The following SARAF variants were observed in gnomAD, a reference collection of about 807,000 sequenced individuals.
SARAF encodes store-operated calcium entry-associated regulatory factor.
A neutral mutation model predicts 39.7 loss-of-function variants in SARAF; 23 were observed. The observed-to-expected ratio is 0.58, with a 90% confidence interval of 0.42 to 0.82. SARAF has a LOEUF of 0.82. SARAF is among the 40% of genes least tolerant of loss of function. The pLI, the probability that SARAF is intolerant of heterozygous loss-of-function variation, is 0.00. For synonymous variants in SARAF, 175 were observed against 168.5 expected, an observed-to-expected ratio of 1.04 and a Z score of -0.30; for missense variants, 384 against 418.5, an observed-to-expected ratio of 0.92 and a Z score of 0.72.
At chr8:30,072,459 T>C (rs1284250972) in intron 2 of SARAF, among the ~76,000 whole-genome samples, 2 of 152,238 alleles carry the variant, frequency 1.3e-5, no homozygotes, top group East Asian at 3.8e-4. Flanking sequence ...TTTTCTTTTG[T>C]TGCTGTTACT....
intron 1 of SARAF, chr8:30,078,217 C>A (rs1802018820): frequency 6.8e-6 from 3 of 439,244 alleles, no homozygotes; most frequent in East Asian, 7.4e-5. Context: ...ATTACCAGTT[C>A]AGGACCAGTT....
intron 1 of SARAF, among the ~76,000 whole-genome samples, chr8:30,080,485 A>G (rs1370079190): frequency 1.3e-5 from 2 of 152,214 alleles, no homozygotes; most frequent in Non-Finnish European, 2.9e-5. Flanking sequence ...TACGCTGTTT[A>G]TCATACACGG....
chr8:30,070,458 T>C (rs1365073276), intron 2 of SARAF, among the ~76,000 whole-genome samples: 1 of 151,874 alleles, frequency 6.6e-6, no homozygotes, highest in Non-Finnish European at 1.5e-5. Flanking sequence ...AATTGCAAAA[T>C]GAAGCAAGGG....
At chr8:30,070,804 G>A (rs1039854220) in intron 2 of SARAF, among the ~76,000 whole-genome samples, 2 of 152,104 alleles carry the variant, frequency 1.3e-5, no homozygotes, top group Non-Finnish European at 2.9e-5. Context: ...CAAAGCAACA[G>A]AGATATTACA....
At chr8:30,072,662 C>T (rs1801874107) in intron 2 of SARAF, among the ~76,000 whole-genome samples, 1 of 152,198 alleles carries the variant, frequency 6.6e-6, no homozygotes, top group African/African-American at 2.4e-5. Context: ...TGTCCTGCTA[C>T]TAAATGGCCT....
chr8:30,075,195 G>A (rs1017805133), intron 1 of SARAF, among the ~76,000 whole-genome samples: 6 of 152,070 alleles, frequency 3.9e-5, no homozygotes, highest in Non-Finnish European at 8.8e-5. Flanking sequence ...AGCTACTTGG[G>A]AGGGTGAGGC....
At chr8:30,072,866 ATC>A (rs1265220455) in intron 2 of SARAF, among the ~76,000 whole-genome samples, 1 of 152,192 alleles carries the variant, frequency 6.6e-6, no homozygotes. Context: ...CCTACATGTA[ATC>A]TGAGTGCCTG....
intron 1 of SARAF, among the ~76,000 whole-genome samples, chr8:30,080,439 T>C (rs1374598618): frequency 6.6e-6 from 1 of 152,228 alleles, no homozygotes; most frequent in Non-Finnish European, 1.5e-5. Context: ...GTACGTTTTT[T>C]AAGTCTCCAC....
intron 5 of SARAF, 37 bp downstream of exon 5, chr8:30,065,951 C>T (rs1563350717): frequency 6.4e-7 from 1 of 1,555,398 alleles, no homozygotes; most frequent in Middle Eastern, 1.7e-4. Context: ...CTGTACTTTA[C>T]TCCTAGGTAA....
At chr8:30,081,562 G>A (rs1411281451) in intron 1 of SARAF, among the ~76,000 whole-genome samples, 1 of 152,184 alleles carries the variant, frequency 6.6e-6, no homozygotes, top group African/African-American at 2.4e-5. Flanking sequence ...AACGTGATGT[G>A]CTTGCAAATA....
intron 2 of SARAF, among the ~76,000 whole-genome samples, chr8:30,071,600 G>A (rs1423511862): frequency 6.6e-6 from 1 of 152,034 alleles, no homozygotes; most frequent in Non-Finnish European, 1.5e-5. Context: ...AAGAAATATT[G>A]TGCCCATTAG....
chr8:30,082,900 C>G lies in SARAF; in HGVS notation c.50G>C (p.Gly17Ala). ...CGCGGTCAGCAGAAACAAATGCAAG[C>G]CGAGGAGCAAGCAGTACCCGGCCGC... The part of the protein sequence containing the change: ...PGAAGYCLLL[G>A]LHLFLLTAGP... The change falls in exon 1 of 6, where the codon GGC (glycine) becomes GCC (alanine). Residue 17 changes from glycine to alanine, a missense_variant. By Grantham distance (60) the Gly-to-Ala change is moderately conservative (BLOSUM62 0). Coordinates refer to ENST00000256255, the MANE Select transcript of SARAF (RefSeq NM_016127.6). The G allele has an allele frequency of 6.4e-7, 1 of 1,563,078 alleles. No homozygotes were observed. Among genetic ancestry groups the G allele is most frequent in the Non-Finnish European group, 8.7e-7 (1 of 1,155,448 alleles).
intron 1 of SARAF, chr8:30,078,374 T>G (rs1802022864): frequency 1.9e-4 from 63 of 329,710 alleles, no homozygotes; most frequent in South Asian, 1.4e-3. Flanking sequence ...TACCCAGGCC[T>G]GAGAAACAGA....
chr8:30,067,019 A>G lies in SARAF; in HGVS notation c.701-101T>C, dbSNP rs141412817. ...TCAATTATTTCATCTGTACTGAATT[A>G]TTAATAATACTCAGGCATCAAGTTA... On this transcript the variant is annotated intron_variant, in intron 3 of 5. Transcript: ENST00000256255. 5.9e-4 allele frequency: 707 copies of G among 1,204,184 alleles called. 5 individuals carry two copies. The East Asian group carries it at 0.016, about 26-fold the overall frequency. The allele number at this position is 1,204,184 out of a possible 1,614,324, so 74.6% of individuals were successfully genotyped here. A position where few individuals can be genotyped will look rare whatever the true frequency, so the allele number is the denominator to read the frequency against.
intron 1 of SARAF, chr8:30,078,393 A>T (rs1265359308): frequency 5.4e-5 from 15 of 277,148 alleles, no homozygotes; most frequent in South Asian, 2.5e-4. Context: ...GACCACACAA[A>T]GGCACACGAA....
intron 1 of SARAF, among the ~76,000 whole-genome samples, chr8:30,076,227 G>A (rs1585443419): frequency 6.6e-6 from 1 of 152,242 alleles, no homozygotes; most frequent in South Asian, 2.1e-4. Flanking sequence ...TAAAGGGCAT[G>A]GGGACAAAAA....
chr8:30,066,649 G>C lies in SARAF; in HGVS notation c.842+128C>G. 2.5e-6 allele frequency: 3 copies of C among 1,179,514 alleles called. No individual in the cohort carries two copies. In the South Asian group the frequency reaches 4.5e-5, roughly 18 times the overall value. 73.1% of individuals were successfully genotyped at this position (1,179,514 alleles called of 1,614,324 possible). On this transcript the variant is annotated intron_variant, in intron 4 of 5. Coordinates refer to ENST00000256255, the MANE Select transcript of SARAF (RefSeq NM_016127.6). ...ATATAGTGTACCTTCCCCCTTCCCAGAGAATCTTATTTAATAGGCTAACGT... is the reference window on the plus strand; with the variant it reads ...ATATAGTGTACCTTCCCCCTTCCCACAGAATCTTATTTAATAGGCTAACGT...
chr8:30,075,156 C>T (rs752925164), intron 1 of SARAF, among the ~76,000 whole-genome samples: 5 of 151,880 alleles, frequency 3.3e-5, no homozygotes, highest in South Asian at 4.2e-4. Context: ...CAAAATTAGC[C>T]GGGAGTGGTG....
intron 1 of SARAF, chr8:30,082,114 G>A (rs1585449204): frequency 6.6e-6 from 1 of 152,242 alleles, no homozygotes; most frequent in Admixed American, 6.5e-5. Context: ...GAAGGCGGGT[G>A]GATCACGAGG....
Sources: allele counts gnomAD v4.1 joint callset (sites outside exome capture counted in the v4.1 genomes callset), GRCh38; gene constraint gnomAD v4.1.1; transcripts MANE v1.5; gene names NCBI Gene and HGNC (gene_info 2026-07-23, HGNC 2026-07-21).